KHDRBS2: variants seen among roughly 807,000 people sequenced by gnomAD.
KHDRBS2 encodes KH domain-containing, RNA-binding, signal transduction-associated protein 2.
KHDRBS2 carries 26 observed loss-of-function variants against 44.3 expected under a neutral mutation model. The ratio of observed to expected loss-of-function variants is 0.59; its 90% confidence interval spans 0.43 to 0.81. The LOEUF is 0.81. Ranked by LOEUF, KHDRBS2 falls within the 40% of genes least tolerant of loss-of-function variation. The pLI is 0.00. For missense variants in KHDRBS2, 476 were observed against 433.1 expected (o/e 1.10, Z -0.88); for synonymous variants, 194 against 151.1 (o/e 1.28, Z -2.08).
intron 6 of KHDRBS2, among the ~76,000 whole-genome samples, chr6:61,799,821 A>T (rs1234826200): frequency 6.6e-6 from 1 of 152,084 alleles, no homozygotes; most frequent in Non-Finnish European, 1.5e-5. Flanking sequence ...CACTGTCAAG[A>T]CTATACTAAT....
At chr6:62,198,364 G>A (rs978176591) in intron 1 of KHDRBS2, among the ~76,000 whole-genome samples, 1 of 151,998 alleles carries the variant, frequency 6.6e-6, no homozygotes, top group African/African-American at 2.4e-5. Flanking sequence ...AGAAAAGAGA[G>A]AAGAATCAAA....
chr6:62,182,865 G>C (rs1180517812), intron 1 of KHDRBS2, among the ~76,000 whole-genome samples: 1 of 151,598 alleles, frequency 6.6e-6, no homozygotes, highest in Non-Finnish European at 1.5e-5. Flanking sequence ...CAGTGTCAAG[G>C]TAAAGATTAT....
intron 1 of KHDRBS2, among the ~76,000 whole-genome samples, chr6:62,219,244 G>A (rs1337234476): frequency 6.6e-6 from 1 of 151,854 alleles, no homozygotes; most frequent in East Asian, 1.9e-4. Flanking sequence ...GTAGAAGGAA[G>A]TGTAAAGACC....
At chr6:61,551,798 T>G in the KHDRBS2 span, among the ~76,000 whole-genome samples, 1 of 152,200 alleles carries the variant, frequency 6.6e-6, no homozygotes, top group Non-Finnish European at 1.5e-5. Context: ...GGTAACATGA[T>G]GCCTTCTGCT....
chr6:61,542,804 A>T, the KHDRBS2 span, among the ~76,000 whole-genome samples: 3 of 152,008 alleles, frequency 2.0e-5, no homozygotes, highest in Non-Finnish European at 4.4e-5. Flanking sequence ...CACAAAATTC[A>T]CAGACAATCT....
chr6:61,603,785 C>T, the KHDRBS2 span, among the ~76,000 whole-genome samples: 1 of 152,166 alleles, frequency 6.6e-6, no homozygotes, highest in South Asian at 2.1e-4. Context: ...ACCATTGTTC[C>T]TGGCTGGCCT....
intron 2 of KHDRBS2, among the ~76,000 whole-genome samples, chr6:62,070,289 T>A (rs949547119): frequency 6.6e-6 from 1 of 151,652 alleles, no homozygotes; most frequent in Non-Finnish European, 1.5e-5. Flanking sequence ...GGTTTTGGCA[T>A]TAAAAAAATA....
At position 61,933,665 on chromosome 6, in the gene KHDRBS2, C is replaced by T. The variant is rs772191482; in HGVS notation, c.484-32294G>A. 1.1e-4 allele frequency among the ~76,000 whole-genome samples: 16 copies of T among 152,134 alleles called. No homozygotes were observed. The South Asian group carries it at 1.5e-3, about 14-fold the overall frequency. ...GTTCAGCATGTCAGTGTATTGAAAA[C>T]GGTAGGCAACTGCAACACAATGGTA... is the stretch of plus-strand genomic sequence containing the variant. On this transcript the variant is annotated intron_variant, in intron 4 of 8. Coordinates refer to ENST00000281156, the MANE Select transcript of KHDRBS2 (RefSeq NM_152688.4).
chr6:62,006,921 T>C (rs1283755733), intron 3 of KHDRBS2, among the ~76,000 whole-genome samples: 2 of 152,172 alleles, frequency 1.3e-5, no homozygotes, highest in Non-Finnish European at 2.9e-5. Flanking sequence ...TTTTTTTAAA[T>C]TCAGCTTACT....
At chr6:62,030,833 T>C (rs1054890177) in intron 3 of KHDRBS2, among the ~76,000 whole-genome samples, 1 of 152,116 alleles carries the variant, frequency 6.6e-6, no homozygotes. Flanking sequence ...CAAAGACATA[T>C]ATAAATCGTC....
the KHDRBS2 span, among the ~76,000 whole-genome samples, chr6:61,637,975 T>C: frequency 3.7e-4 from 56 of 151,968 alleles, no homozygotes; most frequent in African/African-American, 9.6e-4. Context: ...TTCTCCCATT[T>C]TGTAGGTTGC....
intron 1 of KHDRBS2, among the ~76,000 whole-genome samples, chr6:62,185,019 T>C (rs1823140651): frequency 6.6e-6 from 1 of 151,962 alleles, no homozygotes; most frequent in South Asian, 2.1e-4. Context: ...ACCTGCTGGC[T>C]ACATGATCTT....
At chr6:61,840,571 C>G (rs1404445632) in intron 6 of KHDRBS2, among the ~76,000 whole-genome samples, 1 of 152,088 alleles carries the variant, frequency 6.6e-6, no homozygotes, top group African/African-American at 2.4e-5. Context: ...TTCTAACTAG[C>G]CTATCTAAGC....
At chr6:61,899,966 A>T (rs1020000983) in intron 5 of KHDRBS2, among the ~76,000 whole-genome samples, 2 of 151,956 alleles carry the variant, frequency 1.3e-5, no homozygotes, top group African/African-American at 4.8e-5. Context: ...GTTTTACAAA[A>T]CAACCCATAA....
At chr6:61,983,236 CTTTT>C (rs1173961055) in intron 3 of KHDRBS2, among the ~76,000 whole-genome samples, 5 of 118,472 alleles carry the variant, frequency 4.2e-5, no homozygotes, top group African/African-American at 1.5e-4. Flanking sequence ...TTCTTTCTTT[CTTTT>C]TTTTTTTTTT....
rs1805164695 is a variant in KHDRBS2 at position 62,112,202 on chromosome 6, ACT to A, written c.220-64210_220-64209del. On this transcript the variant is annotated intron_variant, in intron 2 of 8. Transcript: ENST00000281156. ...AATGTATCTAAATCACAAATGTGAA[ACT>A]CTATAGTTAAACTAAGCCAGAGCTA... Among the ~76,000 whole-genome samples the A allele has an allele frequency of 2.0e-5, 3 of 152,088 alleles. No individual in the cohort carries two copies. The South Asian group carries it at 6.2e-4, about 31-fold the overall frequency.
At chr6:62,221,340 T>C (rs533390870) in intron 1 of KHDRBS2, among the ~76,000 whole-genome samples, 12 of 152,152 alleles carry the variant, frequency 7.9e-5, no homozygotes, top group Non-Finnish European at 1.5e-4. Flanking sequence ...TGTCAAAGGA[T>C]ATAAAGCAGC....
chr6:61,611,744 A>G, the KHDRBS2 span, among the ~76,000 whole-genome samples: 1 of 152,120 alleles, frequency 6.6e-6, no homozygotes, highest in Non-Finnish European at 1.5e-5. Flanking sequence ...TTCAACTTTT[A>G]TTTTGAACTT....
chr6:62,256,480 G>A (rs1462322901), intron 1 of KHDRBS2, among the ~76,000 whole-genome samples: 8 of 151,874 alleles, frequency 5.3e-5, no homozygotes, highest in Admixed American at 1.3e-4. Context: ...TTTTATAAGG[G>A]GGAGCTTCCC....
Sources: allele counts gnomAD v4.1 joint callset (sites outside exome capture counted in the v4.1 genomes callset), GRCh38; gene constraint gnomAD v4.1.1; transcripts MANE v1.5; gene names NCBI Gene and HGNC (gene_info 2026-07-23, HGNC 2026-07-21).